Variants in METTL21C observed in about 807,000 individuals in gnomAD.
The protein encoded by METTL21C is methyltransferase 21C, AARS1 lysine, also known as protein-lysine methyltransferase METTL21C.
Under a neutral mutation model 25.9 loss-of-function variants are expected in METTL21C, and 21 were observed. That is an observed-to-expected ratio of 0.81 (90% CI 0.58 to 1.17). The LOEUF (loss-of-function observed/expected upper bound fraction) is 1.17. Ranked by LOEUF, METTL21C falls within the 50% of genes most tolerant of loss-of-function variation. The pLI is 0.00. For synonymous variants in METTL21C, 125 were observed against 124.7 expected (o/e 1.00, Z -0.01); for missense variants, 312 against 315.1 (o/e 0.99, Z 0.07).
chr13:102,697,454 C>T (rs533520999), upstream of METTL21C, among the ~76,000 whole-genome samples: 17 of 152,182 alleles, frequency 1.1e-4, no homozygotes, highest in Non-Finnish European at 1.2e-4. Context: ...CTCAGAATGT[C>T]CACAGTGCAA....
At chr13:102,699,842 G>T (rs181691899), upstream of METTL21C, among the ~76,000 whole-genome samples, 722 of 152,314 alleles carry the variant, frequency 4.7e-3, 8 homozygotes, top group African/African-American at 0.017. Flanking sequence ...ACTTCTGGGG[G>T]AGTCCCCTGA....
chr13:102,703,285 T>A, the METTL21C span, among the ~76,000 whole-genome samples: 1 of 152,232 alleles, frequency 6.6e-6, no homozygotes, highest in East Asian at 1.9e-4. Flanking sequence ...GCTTAGTCAA[T>A]GGGCAGCTGG....
chr13:102,686,679 G>A (rs1443211014), intron 3 of METTL21C, among the ~76,000 whole-genome samples: 4 of 152,148 alleles, frequency 2.6e-5, no homozygotes, highest in Non-Finnish European at 4.4e-5. Context: ...TCACCTGTGG[G>A]ATTGACAACA....
intron 1 of METTL21C, among the ~76,000 whole-genome samples, chr13:102,691,226 A>G (rs1885823227): frequency 6.6e-6 from 1 of 152,116 alleles, no homozygotes; most frequent in South Asian, 2.1e-4. Context: ...TTAGGGGAGG[A>G]CAGAAGATGT....
chr13:102,688,287 C>T (rs1885730257), intron 2 of METTL21C, among the ~76,000 whole-genome samples: 1 of 152,228 alleles, frequency 6.6e-6, no homozygotes, highest in Non-Finnish European at 1.5e-5. Flanking sequence ...ATTTCATCCT[C>T]ATCTGTTCAT....
Position 102,686,296 on chromosome 13 carries a change from T to C in METTL21C, c.530A>G (p.Asp177Gly), listed in dbSNP as rs1369198550. ...AAAAGCTGACTTGGGAAAGTTTTTG[T>C]CCAGGTCTTCCCCCCATACCAGTTC... is the stretch of plus-strand genomic sequence containing the variant. ...VKELVWGEDL[D>G]KNFPKSAFYY... is the part of the protein sequence containing the mutation. The change falls in exon 4 of 4, where the codon GAC becomes GGC. Residue 177 changes from aspartate to glycine, a missense_variant. Coordinates refer to ENST00000267273, the MANE Select transcript of METTL21C (RefSeq NM_001010977.3). The C allele has an allele frequency of 1.7e-5, 28 of 1,614,220 alleles. No individual in the cohort carries two copies. The highest frequency in any genetic ancestry group is 2.2e-5 in the Non-Finnish European group (26 of 1,180,036).
At chr13:102,691,052 G>T in intron 1 of METTL21C, 88 bp from the exon 2 acceptor site, 1 of 1,425,762 alleles carries the variant, frequency 7.0e-7, no homozygotes, top group Non-Finnish European at 9.7e-7. Flanking sequence ...GATGGCATTA[G>T]ATTGAATGAC....
At chr13:102,698,518 G>A (rs992127679), upstream of METTL21C, among the ~76,000 whole-genome samples, 9 of 151,982 alleles carry the variant, frequency 5.9e-5, no homozygotes, top group African/African-American at 1.4e-4. Flanking sequence ...ATTCTTTCAC[G>A]TCCTACATGC....
intron 1 of METTL21C, among the ~76,000 whole-genome samples, chr13:102,691,561 G>C (rs1885832044): frequency 6.6e-6 from 1 of 152,124 alleles, no homozygotes; most frequent in Non-Finnish European, 1.5e-5. Flanking sequence ...TGTTGGTCAG[G>C]CTGGTCTCAA....
upstream of METTL21C, among the ~76,000 whole-genome samples, chr13:102,697,024 C>T (rs1247072971): frequency 1.3e-5 from 2 of 152,038 alleles, no homozygotes; most frequent in Admixed American, 6.5e-5. Flanking sequence ...TCGGAGGGCA[C>T]GCTGATGAAG....
the METTL21C span, among the ~76,000 whole-genome samples, chr13:102,701,924 G>C: frequency 6.6e-6 from 1 of 152,122 alleles, no homozygotes; most frequent in South Asian, 2.1e-4. Flanking sequence ...CAGCACTTTG[G>C]GAGGCTGAGG....
In METTL21C at chr13:102,687,075, C is replaced by T. The variant is rs768214209; in HGVS notation, c.283-18G>A. ...GCCATAGCCTAAAAAATAATTATAA[C>T]TTTTCATGTGGGCATTGGAACATTG... On this transcript the variant is annotated intron_variant, in intron 2 of 3. Coordinates refer to ENST00000267273, the MANE Select transcript of METTL21C (RefSeq NM_001010977.3). The T allele has an allele frequency of 2.3e-5, 37 of 1,592,430 alleles. No individual in the cohort carries two copies. Among genetic ancestry groups the T allele is most frequent in the Non-Finnish European group, 3.2e-5 (37 of 1,160,528 alleles).
intron 2 of METTL21C, 47 bp downstream of exon 2, chr13:102,690,766 T>C: frequency 6.3e-7 from 1 of 1,598,308 alleles, no homozygotes; most frequent in Non-Finnish European, 8.5e-7. Context: ...AGTACGGAAT[T>C]GTTATCTCCA....
intron 1 of METTL21C, among the ~76,000 whole-genome samples, chr13:102,693,830 G>A (rs1261230563): frequency 6.6e-6 from 1 of 152,188 alleles, no homozygotes; most frequent in Non-Finnish European, 1.5e-5. Flanking sequence ...ATTTATTGGA[G>A]TTGGGATACA....
intron 1 of METTL21C, among the ~76,000 whole-genome samples, chr13:102,693,642 G>A (rs761467653): frequency 9.2e-5 from 14 of 152,152 alleles, no homozygotes; most frequent in East Asian, 1.9e-4. Flanking sequence ...AGACATACAC[G>A]TATTCTCTCA....
upstream of METTL21C, among the ~76,000 whole-genome samples, chr13:102,699,318 C>T (rs1464392844): frequency 6.6e-6 from 1 of 152,178 alleles, no homozygotes; most frequent in Non-Finnish European, 1.5e-5. Context: ...GTCCAAACCT[C>T]TAGATGATGT....
At chr13:102,691,941 G>T (rs1398723609) in intron 1 of METTL21C, among the ~76,000 whole-genome samples, 1 of 152,196 alleles carries the variant, frequency 6.6e-6, no homozygotes, top group South Asian at 2.1e-4. Context: ...TTTCCAGAGT[G>T]TTTAGGAATA....
the METTL21C span, among the ~76,000 whole-genome samples, chr13:102,703,175 G>A: frequency 6.6e-6 from 1 of 152,108 alleles, no homozygotes; most frequent in African/African-American, 2.4e-5. Context: ...CTGATGACTA[G>A]ATCTTCAGCA....
chr13:102,703,194 C>T, the METTL21C span, among the ~76,000 whole-genome samples: 3 of 152,174 alleles, frequency 2.0e-5, no homozygotes, highest in African/African-American at 7.2e-5. Flanking sequence ...CAAAATAAAT[C>T]AGAAGCTTTT....
Sources: allele counts gnomAD v4.1 joint callset (sites outside exome capture counted in the v4.1 genomes callset), GRCh38; gene constraint gnomAD v4.1.1; transcripts MANE v1.5; gene names NCBI Gene and HGNC (gene_info 2026-07-23, HGNC 2026-07-21).